The following ADCY7 variants were observed in gnomAD, a reference collection of about 807,000 sequenced individuals.
The protein encoded by ADCY7 is adenylate cyclase 7, also known as adenylate cyclase type 7.
A neutral mutation model predicts 120.6 loss-of-function variants in ADCY7; 72 were observed. The observed-to-expected ratio is 0.60, with a 90% CI of 0.49 to 0.73. The LOEUF is 0.73. ADCY7 is among the 30% of genes least tolerant of loss of function. The pLI is 0.00. For synonymous variants in ADCY7, 661 were observed against 628.0 expected (o/e 1.05, Z -0.78); for missense variants, 1,227 against 1,486.0 (o/e 0.83, Z 2.87).
intron 7 of ADCY7, among the ~76,000 whole-genome samples, chr16:50,295,720 C>A (rs1177907534): frequency 6.6e-6 from 1 of 152,050 alleles, no homozygotes; most frequent in Non-Finnish European, 1.5e-5. Flanking sequence ...AGGAGCTCGA[C>A]ACGTGCCAGG....
intron 1 of ADCY7, among the ~76,000 whole-genome samples, chr16:50,248,249 G>A (rs11076523): frequency 0.3 from 45,181 of 151,988 alleles, 6,955 homozygotes; most frequent in Middle Eastern, 0.37. Context: ...CTTCCTGTTC[G>A]TACCCCATAC....
chr16:50,310,777 G>A lies in ADCY7; in HGVS notation c.2251G>A (p.Ala751Thr). The A allele has an allele frequency of 6.2e-7, 1 of 1,614,158 alleles. No homozygotes were observed. The highest frequency in any genetic ancestry group is 1.1e-5 in the South Asian group (1 of 91,086). ...LEPKVVLLTV[A>T]LVAYLVLFNL... Reference sequence around the variant, plus strand: ...GCCAAAGGTTGTGCTGCTGACAGTGGCCCTGGTGGCCTACCTGGTGCTCTT... The same window carrying A: ...GCCAAAGGTTGTGCTGCTGACAGTGACCCTGGTGGCCTACCTGGTGCTCTT... The change falls in exon 19 of 26, where the codon GCC (alanine) becomes ACC (threonine). Residue 751 changes from alanine (A) to threonine (T), a missense_variant. By Grantham distance (58) the Ala-to-Thr change is moderately conservative. This residue lies in a region of ADCY7 where 267 missense variants were observed against 270.0 expected (regional missense o/e 0.99). Coordinates refer to ENST00000673801, the MANE Select transcript of ADCY7 (RefSeq NM_001114.5).
At chr16:50,274,576 C>T (rs901834174) in intron 1 of ADCY7, among the ~76,000 whole-genome samples, 2 of 152,064 alleles carry the variant, frequency 1.3e-5, no homozygotes, top group African/African-American at 4.8e-5. Context: ...CAGGAAGCCT[C>T]GGGGAAGTGA....
intron 4 of ADCY7, 144 bp downstream of exon 4, chr16:50,292,041 C>A (rs1056312529): frequency 4.1e-6 from 4 of 965,818 alleles, no homozygotes; most frequent in African/African-American, 3.3e-5. Context: ...GCCCTCTCCA[C>A]GTCTGCTCGG....
At chr16:50,291,624 G>A (rs1007215486) in intron 3 of ADCY7, 112 bp from the exon 4 acceptor site, 22 of 1,290,250 alleles carry the variant, frequency 1.7e-5, no homozygotes, top group African/African-American at 8.8e-5. Context: ...GGGTGGCGAG[G>A]GAGCCAACCT....
intron 1 of ADCY7, among the ~76,000 whole-genome samples, chr16:50,258,475 G>A (rs951571873): frequency 6.6e-6 from 1 of 150,656 alleles, no homozygotes; most frequent in South Asian, 2.1e-4. Context: ...ATTCAGTTTT[G>A]ATTTTTTTCA....
At position 50,293,359 on chromosome 16, in the gene ADCY7, C is replaced by T. The variant is rs1485597088; in HGVS notation, c.693C>T (p.Asn231=). The T allele has an allele frequency of 7.4e-6, 12 of 1,612,884 alleles. No individual in the cohort carries two copies. Residue 231 remains asparagine, a synonymous_variant, in exon 6 of 26, where the codon AAC becomes AAT. Transcript: ENST00000673801. ...GTCTGCCCACCCACACCCAGGAGAA[C>T]CTGCTGCTGTCAGTGCTTCCGGCCC... ...KLRIEKRQQE[N]LLLSVLPAHI... is the part of the protein sequence containing the mutation.
intron 14 of ADCY7, 105 bp downstream of exon 14, chr16:50,305,954 A>T: frequency 4.7e-6 from 5 of 1,067,298 alleles, no homozygotes; most frequent in Non-Finnish European, 7.1e-6. Flanking sequence ...AAGACCGGCT[A>T]GGGGAGGGGC....
intron 18 of ADCY7, among the ~76,000 whole-genome samples, chr16:50,309,925 T>C (rs1261927152): frequency 2.6e-5 from 4 of 152,094 alleles, no homozygotes; most frequent in Admixed American, 1.3e-4. Flanking sequence ...GGGTCTCTGG[T>C]CAGGGCACTT....
chr16:50,283,093 C>A (rs982619691), intron 1 of ADCY7, among the ~76,000 whole-genome samples: 2 of 152,092 alleles, frequency 1.3e-5, no homozygotes, highest in Non-Finnish European at 1.5e-5. Context: ...TGACTGAGAC[C>A]CTTCCAGTTG....
At chr16:50,265,299 C>T (rs887277796), upstream of ADCY7, among the ~76,000 whole-genome samples, 14 of 152,148 alleles carry the variant, frequency 9.2e-5, no homozygotes, top group African/African-American at 2.9e-4. Context: ...GATAGGAGGG[C>T]GACCCTGATG....
At position 50,294,622 on chromosome 16, in the gene ADCY7, A is replaced by AGC; in HGVS notation, c.837-18_837-17insGC. The AGC allele has an allele frequency of 1.3e-6, 1 of 793,402 alleles. No homozygotes were observed. The highest frequency in any genetic ancestry group is 2.2e-6 in the Non-Finnish European group (1 of 459,496). The allele number at this position is 793,402 out of a possible 1,614,324, so 49.1% of individuals were successfully genotyped here. ...GAGCCTGGCTCTGACACTCCCTCCC[A>AGC]CCCTGCCCCATCCCCAGCATCCTCT... On this transcript the variant is annotated splice_polypyrimidine_tract_variant and intron_variant, in intron 6 of 25. Transcript: ENST00000673801.
rs372092798 is a variant in ADCY7 at position 50,313,046 on chromosome 16, C to G, written c.2751+10C>G. ...TGCCGACTTCGACGAGGTACAGCCT[C>G]TAGCCCAGCCTTGCGCAGCAGCCCC... On this transcript the variant is annotated intron_variant, in intron 22 of 25. Coordinates refer to ENST00000673801, the MANE Select transcript of ADCY7 (RefSeq NM_001114.5). 423 of 1,613,856 alleles carry G rather than the reference C, an allele frequency of 2.6e-4. 1 individual carries two copies. Among genetic ancestry groups the G allele is most frequent in the Non-Finnish European group, 3.3e-4 (386 of 1,179,876 alleles).
At chr16:50,268,404 C>G (rs2033351388) in intron 1 of ADCY7, among the ~76,000 whole-genome samples, 1 of 152,022 alleles carries the variant, frequency 6.6e-6, no homozygotes, top group South Asian at 2.1e-4. Flanking sequence ...CACCCCCAGC[C>G]TCTTTTCTTT....
chr16:50,279,737 C>G (rs541753019), intron 1 of ADCY7: 1 of 152,308 alleles, frequency 6.6e-6, no homozygotes, highest in East Asian at 1.9e-4. Context: ...TGGGCAGTCA[C>G]TAACTAGCAT....
chr16:50,312,000 C>T, intron 20 of ADCY7, 36 bp from the exon 21 acceptor site: 1 of 1,611,912 alleles, frequency 6.2e-7, no homozygotes, highest in South Asian at 1.1e-5. Flanking sequence ...TCCCACTTGC[C>T]TGTGGACGGG....
In ADCY7 at chr16:50,316,660, G is replaced by A. The variant is rs1056090150; in HGVS notation, c.*1155G>A. 4 of 152,360 alleles carry A rather than the reference G, an allele frequency of 2.6e-5. No individual in the cohort carries two copies. Among genetic ancestry groups the A allele is most frequent in the Admixed American group, 2.6e-4 (4 of 15,288 alleles). The allele number at this position is 152,360 out of a possible 1,614,324, so 9.4% of individuals were successfully genotyped here. A position where few individuals can be genotyped will look rare whatever the true frequency, so the allele number is the denominator to read the frequency against. On this transcript the variant is annotated 3_prime_UTR_variant, in exon 26 of 26. Coordinates refer to ENST00000673801, the MANE Select transcript of ADCY7 (RefSeq NM_001114.5). ...AGCCGTTCTTGCTCTGAAACTGCGT[G>A]AGTCAAGGCAAATGCAAAAAGCCAG...
intron 1 of ADCY7, among the ~76,000 whole-genome samples, chr16:50,260,741 G>A (rs2033036599): frequency 6.6e-6 from 1 of 152,172 alleles, no homozygotes. Flanking sequence ...GTTGGTGCTG[G>A]CTGCTGGCGG....
At chr16:50,256,081 A>G (rs9925552) in intron 1 of ADCY7, among the ~76,000 whole-genome samples, 148,475 of 152,222 alleles carry the variant, frequency 0.98, 72,530 homozygotes, top group South Asian at 1. Flanking sequence ...ATAGACAAAT[A>G]GGATGATGTC....
Sources: allele counts gnomAD v4.1 joint callset (sites outside exome capture counted in the v4.1 genomes callset), GRCh38; gene constraint gnomAD v4.1.1; regional missense constraint gnomAD v4.1.1; transcripts MANE v1.5; gene names NCBI Gene and HGNC (gene_info 2026-07-23, HGNC 2026-07-21).